LRRC37A2: variants seen among roughly 807,000 people sequenced by gnomAD.
The protein encoded by LRRC37A2 is leucine rich repeat containing 37 member A2.
Under a neutral mutation model 68.8 loss-of-function variants are expected in LRRC37A2, and 9 were observed. The observed-to-expected ratio is 0.13, with a 90% CI of 0.08 to 0.23. The LOEUF (loss-of-function observed/expected upper bound fraction) is 0.23, where lower values mean the gene tolerates loss of function less well. LRRC37A2 is among the 10% of genes least tolerant of loss of function. LRRC37A2 has a pLI of 1.00. For missense variants in LRRC37A2, 168 were observed against 950.4 expected (o/e 0.18, Z 10.82); for synonymous variants, 63 against 367.6 (o/e 0.17, Z 9.48).
the LRRC37A2 span, among the ~76,000 whole-genome samples, chr17:46,954,137 T>TA: frequency 4.6e-5 from 7 of 152,266 alleles, no homozygotes; most frequent in Admixed American, 2.6e-4. Context: ...TGGTATTGCC[T>TA]AGGTTTTCTT....
chr17:47,019,489 C>G, the LRRC37A2 span: 35 of 1,578,590 alleles, frequency 2.2e-5, no homozygotes, highest in Non-Finnish European at 3.0e-5. Context: ...ATTGGACATT[C>G]TACAGCCCTG....
At chr17:46,803,142 T>G in the LRRC37A2 span, among the ~76,000 whole-genome samples, 103 of 152,362 alleles carry the variant, frequency 6.8e-4, no homozygotes, top group Middle Eastern at 6.8e-3. Flanking sequence ...TTGCTTGGTG[T>G]ATGCACGCAT....
At chr17:46,776,078 G>A in the LRRC37A2 span, among the ~76,000 whole-genome samples, 2 of 152,224 alleles carry the variant, frequency 1.3e-5, no homozygotes, top group Admixed American at 1.3e-4. Context: ...AGCCTTGCAG[G>A]TTGATGAAGC....
At chr17:46,868,595 A>AAAAAC in the LRRC37A2 span, among the ~76,000 whole-genome samples, 252 of 152,114 alleles carry the variant, frequency 1.7e-3, no homozygotes, top group African/African-American at 5.2e-3. Flanking sequence ...GACTCGATTA[A>AAAAAC]AAAACAAAAC....
At chr17:46,665,945 T>G in the LRRC37A2 span, among the ~76,000 whole-genome samples, 2 of 132,654 alleles carry the variant, frequency 1.5e-5, no homozygotes, top group African/African-American at 5.4e-5. Context: ...TGGGCTATGT[T>G]GATCTAGCGT....
intron 9 of LRRC37A2, chr17:46,547,151 C>G (rs1237536512): frequency 1.9e-5 from 1 of 53,242 alleles, no homozygotes; most frequent in Admixed American, 1.7e-4. Flanking sequence ...GCTTATTTTT[C>G]AAAACTTTTT....
the LRRC37A2 span, chr17:46,755,871 G>A: frequency 6.3e-7 from 1 of 1,586,860 alleles, no homozygotes; most frequent in Admixed American, 1.7e-5. Flanking sequence ...TGACCAAGGT[G>A]AAGATGGCCT....
At chr17:46,752,356 C>T in the LRRC37A2 span, among the ~76,000 whole-genome samples, 2 of 152,222 alleles carry the variant, frequency 1.3e-5, no homozygotes, top group African/African-American at 4.8e-5. Context: ...AAATACCTCC[C>T]TATCAAGCCC....
the LRRC37A2 span, among the ~76,000 whole-genome samples, chr17:46,973,405 C>G: frequency 2.0e-5 from 3 of 152,018 alleles, no homozygotes; most frequent in African/African-American, 7.2e-5. Context: ...TCAAGTGATT[C>G]GCCCACCTTA....
the LRRC37A2 span, among the ~76,000 whole-genome samples, chr17:46,467,681 G>C: frequency 9.8e-6 from 1 of 102,506 alleles, no homozygotes; most frequent in Admixed American, 9.5e-5. Context: ...GAAATGGCTT[G>C]ATGTACTCAG....
At chr17:46,748,117 A>T in the LRRC37A2 span, among the ~76,000 whole-genome samples, 44 of 152,038 alleles carry the variant, frequency 2.9e-4, no homozygotes, top group African/African-American at 8.9e-4. Flanking sequence ...TTATTTATTT[A>T]TTTTTTTGAG....
chr17:46,718,483 A>G, the LRRC37A2 span, among the ~76,000 whole-genome samples: 1 of 152,252 alleles, frequency 6.6e-6, no homozygotes, highest in African/African-American at 2.4e-5. Flanking sequence ...AAAATGGTGC[A>G]TGTACTCCAT....
chr17:46,602,783 G>T, the LRRC37A2 span, among the ~76,000 whole-genome samples: 2 of 146,224 alleles, frequency 1.4e-5, no homozygotes, highest in Non-Finnish European at 3.0e-5. Flanking sequence ...GAATAATATT[G>T]ATATAATTTT....
At chr17:46,791,482 C>T in the LRRC37A2 span, among the ~76,000 whole-genome samples, 1 of 152,176 alleles carries the variant, frequency 6.6e-6, no homozygotes, top group Non-Finnish European at 1.5e-5. Context: ...GCTGGGATTA[C>T]AGACGTGAGC....
chr17:46,743,055 ACTCT>A, the LRRC37A2 span, among the ~76,000 whole-genome samples: 1 of 151,504 alleles, frequency 6.6e-6, no homozygotes, highest in African/African-American at 2.4e-5. Context: ...AGTCCTTCTG[ACTCT>A]CTGTGAGTCA....
the LRRC37A2 span, among the ~76,000 whole-genome samples, chr17:46,922,521 TA>T: frequency 6.6e-6 from 1 of 152,184 alleles, no homozygotes; most frequent in African/African-American, 2.4e-5. Flanking sequence ...AATCTATAAC[TA>T]CATTTCTTGT....
the LRRC37A2 span, among the ~76,000 whole-genome samples, chr17:47,015,404 G>T: frequency 6.6e-6 from 1 of 152,134 alleles, no homozygotes; most frequent in Non-Finnish European, 1.5e-5. Flanking sequence ...TTAGTATTCA[G>T]TACAGTAACA....
At chr17:46,750,151 G>A in the LRRC37A2 span, among the ~76,000 whole-genome samples, 3 of 152,144 alleles carry the variant, frequency 2.0e-5, no homozygotes, top group Non-Finnish European at 4.4e-5. Flanking sequence ...TCAGGAGTTC[G>A]AGACCAGCCT....
the LRRC37A2 span, among the ~76,000 whole-genome samples, chr17:46,953,793 T>G: frequency 6.6e-6 from 1 of 152,266 alleles, no homozygotes; most frequent in East Asian, 1.9e-4. Flanking sequence ...TGGCCAGTGA[T>G]GATGAGCATT....
Sources: allele counts gnomAD v4.1 joint callset (sites outside exome capture counted in the v4.1 genomes callset), GRCh38; gene constraint gnomAD v4.1.1; transcripts MANE v1.5; gene names NCBI Gene and HGNC (gene_info 2026-07-23, HGNC 2026-07-21).